FAM124B: variants seen among roughly 807,000 people sequenced by gnomAD.
FAM124B encodes family with sequence similarity 124 member B, also known as protein FAM124B.
FAM124B carries 18 observed loss-of-function variants against 19.7 expected under a neutral mutation model. That is an observed-to-expected ratio of 0.92 (90% CI 0.63 to 1.36). The LOEUF is 1.36. FAM124B is among the 40% of genes most tolerant of loss of function. The probability of loss-of-function intolerance (pLI) is 0.00; values close to 1 mark genes in which losing one functional copy is unlikely to be tolerated. For synonymous variants in FAM124B, 223 were observed against 225.2 expected, an observed-to-expected ratio of 0.99 and a Z score of 0.09; for missense variants, 540 against 553.3, an observed-to-expected ratio of 0.98 and a Z score of 0.24.
At chr2:224,380,664 G>A (rs751787179) in intron 1 of FAM124B, among the ~76,000 whole-genome samples, 1 of 152,218 alleles carries the variant, frequency 6.6e-6, no homozygotes, top group African/African-American at 2.4e-5. Flanking sequence ...CAAAGCTGGT[G>A]ATCCTTCTTT....
intron 1 of FAM124B, among the ~76,000 whole-genome samples, chr2:224,392,764 AAAC>A (rs1250862176): frequency 6.6e-6 from 1 of 151,916 alleles, no homozygotes; most frequent in African/African-American, 2.4e-5. Context: ...CAAAAAAAAA[AAAC>A]AACAGATGAG....
At chr2:224,382,136 T>C (rs1230614322) in intron 1 of FAM124B, among the ~76,000 whole-genome samples, 4 of 152,176 alleles carry the variant, frequency 2.6e-5, no homozygotes, top group African/African-American at 9.7e-5. Flanking sequence ...TTGGCAAATA[T>C]TTTCGGCAAG....
At chr2:224,400,116 G>A (rs1690038882) in intron 1 of FAM124B, 1 of 203,646 alleles carries the variant, frequency 4.9e-6, no homozygotes, top group Non-Finnish European at 9.8e-6. Context: ...AACTTGGTAT[G>A]TGGTAAAATT....
intron 1 of FAM124B, among the ~76,000 whole-genome samples, chr2:224,389,608 G>A (rs1197687042): frequency 1.3e-5 from 2 of 152,116 alleles, no homozygotes; most frequent in Non-Finnish European, 2.9e-5. Flanking sequence ...AAGAATGAAC[G>A]GAGCTGGAGA....
At chr2:224,389,202 G>A (rs1689843583) in intron 1 of FAM124B, among the ~76,000 whole-genome samples, 1 of 152,184 alleles carries the variant, frequency 6.6e-6, no homozygotes, top group Non-Finnish European at 1.5e-5. Flanking sequence ...AAAGTGCTGG[G>A]ATTACAGGCA....
chr2:224,380,837 A>T (rs1460295841), intron 1 of FAM124B, among the ~76,000 whole-genome samples: 1 of 152,190 alleles, frequency 6.6e-6, no homozygotes, highest in African/African-American at 2.4e-5. Context: ...GGCATGGCTT[A>T]TATGGAAGTT....
intron 1 of FAM124B, among the ~76,000 whole-genome samples, chr2:224,397,037 T>C (rs183655970): frequency 5.4e-4 from 83 of 152,300 alleles, no homozygotes; most frequent in African/African-American, 1.9e-3. Flanking sequence ...TTCTTTTCTT[T>C]TCTTCTCTTC....
At chr2:224,387,615 C>G (rs902730674) in intron 1 of FAM124B, among the ~76,000 whole-genome samples, 3 of 152,142 alleles carry the variant, frequency 2.0e-5, no homozygotes, top group Non-Finnish European at 4.4e-5. Flanking sequence ...GCAACATGCT[C>G]TCCTATAATA....
At chr2:224,381,607 A>G (rs1401410522) in intron 1 of FAM124B, among the ~76,000 whole-genome samples, 5 of 152,164 alleles carry the variant, frequency 3.3e-5, no homozygotes, top group African/African-American at 1.2e-4. Flanking sequence ...GTAATGGTGG[A>G]TGCACATCCT....
intron 1 of FAM124B, among the ~76,000 whole-genome samples, chr2:224,386,745 G>C (rs561848282): frequency 6.6e-6 from 1 of 152,262 alleles, no homozygotes; most frequent in South Asian, 2.1e-4. Flanking sequence ...CTAGCACAGT[G>C]CCTAACATTC....
At chr2:224,381,580 C>T (rs1264351255) in intron 1 of FAM124B, among the ~76,000 whole-genome samples, 2 of 152,076 alleles carry the variant, frequency 1.3e-5, no homozygotes, top group Admixed American at 1.3e-4. Flanking sequence ...GCAGTGAAAA[C>T]TACTCTGCAT....
rs948586841 is a variant in FAM124B at position 224,402,105 on chromosome 2, C to T, written c.-337G>A. 5 of 252,886 alleles carry T rather than the reference C, an allele frequency of 2.0e-5. No homozygotes were observed. The highest frequency in any genetic ancestry group is 3.1e-5 in the Non-Finnish European group (4 of 130,020). 15.7% of individuals were successfully genotyped at this position (252,886 alleles called of 1,614,324 possible). On this transcript the variant is annotated 5_prime_UTR_variant, in exon 1 of 2. Transcript: ENST00000409685. ...TCTGCGTGACCTAAAAACCTATAAT[C>T]CTGAGAAACACCCAAATGGGCGGCT...
chr2:224,391,005 C>T (rs980292421), intron 1 of FAM124B, among the ~76,000 whole-genome samples: 2 of 150,098 alleles, frequency 1.3e-5, no homozygotes, highest in Middle Eastern at 3.4e-3. Context: ...GCCCGGCCAA[C>T]AAACTTATTT....
At chr2:224,392,988 C>G (rs1689912279) in intron 1 of FAM124B, among the ~76,000 whole-genome samples, 3 of 152,214 alleles carry the variant, frequency 2.0e-5, no homozygotes, top group Non-Finnish European at 4.4e-5. Context: ...TCAGTAGCCA[C>G]ATGTGGCGAA....
intron 1 of FAM124B, among the ~76,000 whole-genome samples, chr2:224,395,738 C>T (rs542908537): frequency 6.6e-6 from 1 of 152,300 alleles, no homozygotes; most frequent in South Asian, 2.1e-4. Context: ...ATATCGCTGT[C>T]ATCAAAACCA....
chr2:224,394,399 C>T (rs1689936206), intron 1 of FAM124B, among the ~76,000 whole-genome samples: 2 of 152,150 alleles, frequency 1.3e-5, no homozygotes, highest in South Asian at 4.2e-4. Context: ...CCTTCCTCTT[C>T]TTCACCCTCC....
Position 224,401,802 on chromosome 2 carries a change from GT to G in FAM124B, c.-35del, listed in dbSNP as rs1322478852. 1.1e-5 allele frequency: 18 copies of G among 1,586,702 alleles called. No homozygotes were observed. Among genetic ancestry groups the G allele is most frequent in the Non-Finnish European group, 1.5e-5 (17 of 1,166,144 alleles). On this transcript the variant is annotated 5_prime_UTR_variant, in exon 1 of 2. Transcript: ENST00000409685. The stretch of plus-strand genomic sequence containing the variant: ...TGCCTGAGGCTGACAAAGACAGCGT[GT>G]GTAGAAGGCCCACTGTTCAAGTTTC...
intron 1 of FAM124B, among the ~76,000 whole-genome samples, chr2:224,381,778 G>T (rs1689722522): frequency 6.6e-6 from 1 of 152,156 alleles, no homozygotes; most frequent in Non-Finnish European, 1.5e-5. Flanking sequence ...CTCTTTTCGG[G>T]GGGAAGGTTG....
intron 1 of FAM124B, among the ~76,000 whole-genome samples, chr2:224,390,158 C>CACACACAGAG (rs1368022541): frequency 4.1e-5 from 6 of 145,286 alleles, no homozygotes; most frequent in African/African-American, 1.5e-4. Flanking sequence ...CACACACACA[C>CACACACAGAG]AGAAAAGGAA....
Sources: gnomAD v4.1 joint callset for allele counts (sites outside exome capture counted in the v4.1 genomes callset) on GRCh38, gnomAD v4.1.1 for gene constraint, MANE v1.5 for transcripts, NCBI Gene and HGNC (gene_info 2026-07-23, HGNC 2026-07-21) for gene names.